DDX60: variants seen among roughly 807,000 people sequenced by gnomAD.
The protein encoded by DDX60 is DExD/H-box helicase 60, also known as probable ATP-dependent RNA helicase DDX60.
DDX60 carries 165 observed loss-of-function variants against 212.8 expected under a neutral mutation model. The ratio of observed to expected loss-of-function variants is 0.78; its 90% CI spans 0.68 to 0.88. The LOEUF (loss-of-function observed/expected upper bound fraction) is 0.88, where lower values mean the gene tolerates loss of function less well. Ranked by LOEUF, DDX60 falls within the 40% of genes least tolerant of loss-of-function variation. DDX60 has a pLI of 0.00. For synonymous variants in DDX60, 703 were observed against 685.3 expected, an observed-to-expected ratio of 1.03 and a Z score of -0.40; for missense variants, 1,905 against 2,003.9, an observed-to-expected ratio of 0.95 and a Z score of 0.94.
In DDX60 at chr4:168,291,920, A is replaced by G. The variant is rs767849150; in HGVS notation, c.883-14T>C. 1 of 1,594,988 alleles carries G rather than the reference A, an allele frequency of 6.3e-7. No individual in the cohort carries two copies. Among genetic ancestry groups the G allele is most frequent in the South Asian group, 1.1e-5 (1 of 87,466 alleles). The stretch of plus-strand genomic sequence containing the variant: ...ATTACTGTTCACCTGAATAAAATAA[A>G]GAAGGTATAAGCCAGAGAACAGCAG... On this transcript the variant is annotated splice_polypyrimidine_tract_variant and intron_variant, in intron 7 of 37. Transcript: ENST00000393743.
At chr4:168,294,048 C>A in intron 6 of DDX60, 103 bp from the exon 7 acceptor site, 1 of 1,031,398 alleles carries the variant, frequency 9.7e-7, no homozygotes, top group East Asian at 2.7e-5. Flanking sequence ...ACATGTGTGA[C>A]AAAATAATCT....
chr4:168,269,490 A>G (rs1186102662), intron 19 of DDX60, among the ~76,000 whole-genome samples: 4 of 152,084 alleles, frequency 2.6e-5, no homozygotes, highest in Admixed American at 2.6e-4. Context: ...AGTCCCAGCT[A>G]CTTCGGAGGC....
chr4:168,236,429 C>A (rs558235063), intron 32 of DDX60, 56 bp from the exon 33 acceptor site: 2 of 1,448,390 alleles, frequency 1.4e-6, no homozygotes, highest in South Asian at 2.7e-5. Flanking sequence ...TCTATTTTTT[C>A]ATGTTTAAAT....
intron 8 of DDX60, among the ~76,000 whole-genome samples, chr4:168,291,183 A>T (rs1736086499): frequency 6.6e-6 from 1 of 152,226 alleles, no homozygotes; most frequent in Non-Finnish European, 1.5e-5. Context: ...GAAAGGAAAT[A>T]GAAAAACATG....
At chr4:168,318,176 G>A (rs1230240632) in intron 1 of DDX60, among the ~76,000 whole-genome samples, 1 of 152,198 alleles carries the variant, frequency 6.6e-6, no homozygotes, top group African/African-American at 2.4e-5. Context: ...GAAATTACCT[G>A]GGGGAATCTT....
intron 22 of DDX60, among the ~76,000 whole-genome samples, chr4:168,266,377 C>T (rs1734849966): frequency 6.6e-6 from 1 of 152,122 alleles, no homozygotes; most frequent in Non-Finnish European, 1.5e-5. Context: ...ATGAAGGACA[C>T]AAAATTTGTC....
In DDX60 at chr4:168,273,971, C is replaced by T; in HGVS notation, c.2417G>A (p.Ser806Asn). 1.2e-6 allele frequency: 2 copies of T among 1,614,182 alleles called. No individual in the cohort carries two copies. Among genetic ancestry groups the T allele is most frequent in the South Asian group, 1.1e-5 (1 of 91,084 alleles). ...AACGTACACGACCACCCCGTCGTCG[C>T]TCTCCTTCAGCACTTTCTCCATACA... ...YYCMEKVLKESDDGVVVYVAP... is the reference protein window; with the variant it reads ...YYCMEKVLKENDDGVVVYVAP... The change falls in exon 17 of 38, where the codon AGC (serine) becomes AAC (asparagine). Residue 806 changes from serine (S) to asparagine (N), a missense_variant. By Grantham distance (46) the Ser-to-Asn change is conservative. Coordinates refer to ENST00000393743, the MANE Select transcript of DDX60 (RefSeq NM_017631.6).
chr4:168,271,200 G>A (rs1735082244), intron 19 of DDX60, among the ~76,000 whole-genome samples: 1 of 152,104 alleles, frequency 6.6e-6, no homozygotes, highest in African/African-American at 2.4e-5. Flanking sequence ...AAATAATGCT[G>A]CAATATAGCT....
intron 30 of DDX60, among the ~76,000 whole-genome samples, chr4:168,245,165 A>T (rs1733980216): frequency 6.6e-6 from 1 of 152,222 alleles, no homozygotes; most frequent in Non-Finnish European, 1.5e-5. Flanking sequence ...TAACTAAAAC[A>T]TCAATTTTTA....
intron 5 of DDX60, among the ~76,000 whole-genome samples, chr4:168,303,932 A>G (rs918583835): frequency 2.0e-5 from 3 of 152,150 alleles, no homozygotes; most frequent in Non-Finnish European, 2.9e-5. Flanking sequence ...TGGTGAGCTG[A>G]GATCGCACCA....
Position 168,283,468 on chromosome 4 carries a change from C to T in DDX60, c.1700G>A (p.Gly567Glu). The change falls in exon 13 of 38, where the codon GGG becomes GAG. Residue 567 changes from glycine (G) to glutamate (E), a missense_variant. Coordinates refer to ENST00000393743, the MANE Select transcript of DDX60 (RefSeq NM_017631.6). Reference sequence around the variant, plus strand: ...TACGTGTGCCTTTTTGCTCTTGGGCCCACTAAAATCCTTCTTTGACTTAAT... The same window carrying T: ...TACGTGTGCCTTTTTGCTCTTGGGCTCACTAAAATCCTTCTTTGACTTAAT... ...QTIKSKKDFS[G>E]PKSKKAHETK... 6.2e-7 allele frequency: 1 copy of T among 1,613,164 alleles called. No homozygotes were observed. The highest frequency in any genetic ancestry group is 8.5e-7 in the Non-Finnish European group (1 of 1,179,598).
Position 168,276,116 on chromosome 4 carries a change from T to C in DDX60, c.2044A>G (p.Lys682Glu), listed in dbSNP as rs374344343. 8 of 1,613,634 alleles carry C rather than the reference T, an allele frequency of 5.0e-6. No homozygotes were observed. The highest frequency in any genetic ancestry group is 2.2e-5 in the East Asian group (1 of 44,806). The change falls in exon 15 of 38, where the codon AAA becomes GAA. Residue 682 changes from lysine (K) to glutamate (E), a missense_variant. Physicochemically the swap from Lys to Glu is moderately conservative, Grantham distance 56 (BLOSUM62 1). Transcript: ENST00000393743. Reference protein sequence around the residue: ...VMKRIHSLMEKYSELLQEDDR... With the variant: ...VMKRIHSLMEEYSELLQEDDR... ...TCTTCTTGTAAAAGTTCTGAGTATT[T>C]TTCCATCAAGGAGTGGATCCTTTTC...
chr4:168,283,386 T>C (rs1163355788), intron 13 of DDX60, 60 bp downstream of exon 13: 19 of 1,482,654 alleles, frequency 1.3e-5, no homozygotes, highest in African/African-American at 5.6e-5. Context: ...GGATAACACA[T>C]ATCAACCTGA....
chr4:168,286,735 A>G (rs1038840519), intron 10 of DDX60, among the ~76,000 whole-genome samples: 7 of 152,130 alleles, frequency 4.6e-5, no homozygotes, highest in Non-Finnish European at 1.0e-4. Context: ...TCTCTTATTC[A>G]GCATCTCAAG....
At chr4:168,220,175 G>C (rs1352226334) in intron 37 of DDX60, among the ~76,000 whole-genome samples, 1 of 152,130 alleles carries the variant, frequency 6.6e-6, no homozygotes, top group Non-Finnish European at 1.5e-5. Flanking sequence ...GGTGAAAATA[G>C]GAGGCCAATA....
In DDX60 at chr4:168,311,358, TGGCAGTCCTGC is replaced by T; in HGVS notation, c.-106-4_-100del. 8.0e-7 allele frequency: 1 copy of T among 1,253,012 alleles called. No homozygotes were observed. The highest frequency in any genetic ancestry group is 2.1e-5 in the Admixed American group (1 of 47,374). The allele number at this position is 1,253,012 out of a possible 1,614,324, so 77.6% of individuals were successfully genotyped here. On this transcript the variant is annotated splice_acceptor_variant and splice_polypyrimidine_tract_variant and 5_prime_UTR_variant and intron_variant, in exon 2 of 38. Transcript: ENST00000393743. LOFTEE classifies it low-confidence loss of function (5UTR_SPLICE). ...TCTAAGTGGCAGTTCTTAATGAAAATGGCAGTCCTGCAAAAAAAGAAAAGAAAATGAGTCTT... is the reference window on the plus strand; with the variant it reads ...TCTAAGTGGCAGTTCTTAATGAAAATAAAAAAAGAAAAGAAAATGAGTCTT...
At chr4:168,239,421 T>G (rs1243048730) in intron 30 of DDX60, among the ~76,000 whole-genome samples, 1 of 141,096 alleles carries the variant, frequency 7.1e-6, no homozygotes, top group African/African-American at 2.6e-5. Context: ...TAGAGGTAGG[T>G]AGATGGATAG....
At chr4:168,295,054 G>A (rs1208702284) in intron 6 of DDX60, among the ~76,000 whole-genome samples, 1 of 152,024 alleles carries the variant, frequency 6.6e-6, no homozygotes, top group African/African-American at 2.4e-5. Context: ...CTGTCAGAAG[G>A]GCTTTTATCA....
chr4:168,246,614 G>C lies in DDX60; in HGVS notation c.3968C>G (p.Ser1323Cys). ...TTGACCTCTTCTTCCAGCACGGCCAGACATCTGAAAAGAGAATAGAATTAC... is the reference window on the plus strand; with the variant it reads ...TTGACCTCTTCTTCCAGCACGGCCACACATCTGAAAAGAGAATAGAATTAC... ...YLDALNYRQMSGRAGRRGQDL... is the reference protein window; with the variant it reads ...YLDALNYRQMCGRAGRRGQDL... Residue 1323 changes from serine to cysteine, a missense_variant, in exon 30 of 38, where the codon TCT becomes TGT. Coordinates refer to ENST00000393743, the MANE Select transcript of DDX60 (RefSeq NM_017631.6). The C allele has an allele frequency of 6.2e-7, 1 of 1,613,964 alleles. No homozygotes were observed. Among genetic ancestry groups the C allele is most frequent in the Non-Finnish European group, 8.5e-7 (1 of 1,179,940 alleles).
Sources: allele counts gnomAD v4.1 joint callset (sites outside exome capture counted in the v4.1 genomes callset), GRCh38; gene constraint gnomAD v4.1.1; transcripts MANE v1.5; gene names NCBI Gene and HGNC (gene_info 2026-07-23, HGNC 2026-07-21).